CNTLN: variants seen among roughly 807,000 people sequenced by gnomAD.
The protein encoded by CNTLN is centlein.
A neutral mutation model predicts 180.0 loss-of-function variants in CNTLN; 212 were observed. That is an observed-to-expected ratio of 1.18 (90% CI 1.05 to 1.32). The LOEUF is 1.32. Ranked by LOEUF, CNTLN falls within the 40% of genes most tolerant of loss-of-function variation. The pLI is 0.00. For synonymous variants in CNTLN, 722 were observed against 563.1 expected (o/e 1.28, Z -3.99); for missense variants, 2,095 against 1,610.9 (o/e 1.30, Z -5.14).
At chr9:17,363,757 T>A (rs1343889991) in intron 12 of CNTLN, among the ~76,000 whole-genome samples, 3 of 152,136 alleles carry the variant, frequency 2.0e-5, no homozygotes, top group Admixed American at 6.5e-5. Flanking sequence ...CTATGATTGC[T>A]TTAGATAATA....
intron 18 of CNTLN, among the ~76,000 whole-genome samples, chr9:17,439,311 A>G (rs1304599110): frequency 1.3e-5 from 2 of 152,234 alleles, no homozygotes; most frequent in African/African-American, 4.8e-5. Context: ...TCACATAACT[A>G]GGCCACAAAA....
At position 17,298,248 on chromosome 9, in the gene CNTLN, C is replaced by G. The variant is rs1433335959; in HGVS notation, c.1042C>G (p.Gln348Glu). The G allele has an allele frequency of 1.2e-6, 2 of 1,611,790 alleles. No homozygotes were observed. Among genetic ancestry groups the G allele is most frequent in the South Asian group, 1.1e-5 (1 of 90,562 alleles). Residue 348 changes from glutamine (Q) to glutamate (E), a missense_variant, in exon 7 of 26, where the codon CAA (glutamine) becomes GAA (glutamate). By Grantham distance (29) the Gln-to-Glu change is conservative. Coordinates refer to ENST00000380647, the MANE Select transcript of CNTLN (RefSeq NM_017738.4). ...YKQNSTHTAQ[Q>E]AELIQQLQVL... ...ACAGAACAGTACACATACAGCCCAG[C>G]AAGCAGAGCTGATCCAGCAGCTTCA...
intron 12 of CNTLN, among the ~76,000 whole-genome samples, chr9:17,348,697 A>C (rs1451344674): frequency 6.6e-6 from 1 of 151,708 alleles, no homozygotes. Flanking sequence ...CGCGGGGCAA[A>C]TTTTTGTATT....
intron 24 of CNTLN, among the ~76,000 whole-genome samples, chr9:17,486,206 C>T (rs1832880472): frequency 6.6e-6 from 1 of 152,132 alleles, no homozygotes; most frequent in Admixed American, 6.5e-5. Flanking sequence ...GATTTATGTT[C>T]TTTACACTAT....
intron 18 of CNTLN, among the ~76,000 whole-genome samples, chr9:17,436,595 C>T (rs1415775260): frequency 6.6e-6 from 1 of 152,146 alleles, no homozygotes; most frequent in African/African-American, 2.4e-5. Context: ...AACCCTTTAA[C>T]ACTAAAAGGG....
At chr9:17,448,628 C>G (rs958452243) in intron 18 of CNTLN, 2 of 152,168 alleles carry the variant, frequency 1.3e-5, no homozygotes, top group Non-Finnish European at 2.9e-5. Context: ...CCGTTCTTTA[C>G]TTAGATACAG....
intron 13 of CNTLN, among the ~76,000 whole-genome samples, chr9:17,381,798 A>G (rs1825274906): frequency 6.6e-6 from 1 of 152,146 alleles, no homozygotes; most frequent in Non-Finnish European, 1.5e-5. Context: ...TTGAGGCAAT[A>G]TTGGATTTAG....
intron 7 of CNTLN, among the ~76,000 whole-genome samples, chr9:17,308,523 C>G (rs976989823): frequency 1.3e-5 from 2 of 152,024 alleles, no homozygotes; most frequent in Non-Finnish European, 2.9e-5. Context: ...TAATGAAATA[C>G]TCCTGATTTT....
intron 5 of CNTLN, among the ~76,000 whole-genome samples, chr9:17,246,956 C>T (rs1034075987): frequency 1.3e-5 from 2 of 152,054 alleles, no homozygotes; most frequent in Non-Finnish European, 2.9e-5. Flanking sequence ...ATGCGTGCCT[C>T]AGGGCACTCC....
chr9:17,201,428 C>T (rs1337911739), intron 2 of CNTLN, among the ~76,000 whole-genome samples: 3 of 152,088 alleles, frequency 2.0e-5, no homozygotes, highest in Non-Finnish European at 2.9e-5. Context: ...CCTCTTTGTA[C>T]CTCTGGTAGA....
chr9:17,425,736 A>AT (rs899852950), intron 18 of CNTLN, among the ~76,000 whole-genome samples: 47 of 150,976 alleles, frequency 3.1e-4, no homozygotes, highest in Non-Finnish European at 4.1e-4. Flanking sequence ...ATGATAAAAT[A>AT]TTTTTTTTAA....
chr9:17,247,989 C>G (rs1357257202), intron 5 of CNTLN, among the ~76,000 whole-genome samples: 1 of 151,866 alleles, frequency 6.6e-6, no homozygotes, highest in East Asian at 1.9e-4. Context: ...AGCCATCAAG[C>G]CTTGCTAATT....
chr9:17,411,765 C>T (rs532644156), intron 16 of CNTLN, among the ~76,000 whole-genome samples: 7 of 152,170 alleles, frequency 4.6e-5, no homozygotes, highest in South Asian at 2.1e-4. Flanking sequence ...AGTTTCATCC[C>T]GAAACCATCT....
chr9:17,381,347 C>G (rs547505022), intron 13 of CNTLN, among the ~76,000 whole-genome samples: 1 of 152,196 alleles, frequency 6.6e-6, no homozygotes, highest in South Asian at 2.1e-4. Context: ...TCTGATCTTT[C>G]TTAGAGTAGC....
chr9:17,146,556 C>T (rs1328351277), intron 2 of CNTLN, among the ~76,000 whole-genome samples: 5 of 152,122 alleles, frequency 3.3e-5, no homozygotes, highest in South Asian at 2.1e-4. Context: ...CCTCCCTTCT[C>T]TTCTGCCATG....
intron 14 of CNTLN, among the ~76,000 whole-genome samples, chr9:17,394,158 T>C (rs1018181446): frequency 1.3e-5 from 2 of 152,272 alleles, no homozygotes; most frequent in Middle Eastern, 3.4e-3. Flanking sequence ...AAAAAAGTTA[T>C]TTATTATTAC....
intron 2 of CNTLN, among the ~76,000 whole-genome samples, chr9:17,176,818 A>C (rs1206841296): frequency 6.6e-6 from 1 of 152,174 alleles, no homozygotes; most frequent in African/African-American, 2.4e-5. Context: ...TAGTTTGTGC[A>C]TCTTGAGGAA....
intron 8 of CNTLN, among the ~76,000 whole-genome samples, chr9:17,325,279 TAG>T (rs1820193060): frequency 7.4e-6 from 1 of 134,818 alleles, no homozygotes. Context: ...TAATTGGTAA[TAG>T]ACATATTGCT....
downstream of CNTLN, among the ~76,000 whole-genome samples, chr9:17,504,646 G>A (rs770212487): frequency 6.6e-6 from 1 of 152,202 alleles, no homozygotes; most frequent in Non-Finnish European, 1.5e-5. Context: ...ATGAGAGGGA[G>A]GTAGGAAGAG....
Sources: gnomAD v4.1 joint callset for allele counts (sites outside exome capture counted in the v4.1 genomes callset) on GRCh38, gnomAD v4.1.1 for gene constraint, MANE v1.5 for transcripts, NCBI Gene and HGNC (gene_info 2026-07-23, HGNC 2026-07-21) for gene names.